KALRN: variants seen among roughly 807,000 people sequenced by gnomAD.
KALRN encodes the protein kalirin.
In KALRN, 70 loss-of-function variants were observed where a neutral mutation model predicts 353.7. The observed-to-expected ratio is 0.20, with a 90% CI of 0.16 to 0.24. The LOEUF is 0.24. Ranked by LOEUF, KALRN falls within the 10% of genes least tolerant of loss-of-function variation. The probability of loss-of-function intolerance (pLI) is 1.00; values close to 1 mark genes in which losing one functional copy is unlikely to be tolerated. For synonymous variants in KALRN, 1,391 were observed against 1,434.8 expected (o/e 0.97, Z 0.69); for missense variants, 2,791 against 3,756.7 (o/e 0.74, Z 6.72).
At chr3:124,179,070 G>A (rs1006244288) in intron 1 of KALRN, among the ~76,000 whole-genome samples, 3 of 151,982 alleles carry the variant, frequency 2.0e-5, no homozygotes, top group Non-Finnish European at 4.4e-5. Flanking sequence ...TCACACTATG[G>A]CATTCCAGCC....
intron 34 of KALRN, among the ~76,000 whole-genome samples, chr3:124,585,487 T>C (rs920770135): frequency 3.9e-5 from 6 of 152,130 alleles, no homozygotes; most frequent in Non-Finnish European, 8.8e-5. Context: ...AATTAACAAC[T>C]CTCTCTGTGC....
chr3:124,703,835 T>G (rs1051333119), intron 57 of KALRN, among the ~76,000 whole-genome samples: 1 of 151,146 alleles, frequency 6.6e-6, no homozygotes, highest in African/African-American at 2.4e-5. Flanking sequence ...TAAAAGAATC[T>G]TTTGTTGTTG....
At chr3:124,624,291 C>T (rs1292354023) in intron 34 of KALRN, among the ~76,000 whole-genome samples, 2 of 152,134 alleles carry the variant, frequency 1.3e-5, no homozygotes, top group Non-Finnish European at 2.9e-5. Flanking sequence ...ATGATGGCTC[C>T]CAAAGCGCAA....
chr3:124,178,357 A>T (rs952164454), intron 1 of KALRN, among the ~76,000 whole-genome samples: 1 of 152,254 alleles, frequency 6.6e-6, no homozygotes, highest in Non-Finnish European at 1.5e-5. Context: ...AAATACAACA[A>T]TTATAAGAAT....
intron 1 of KALRN, among the ~76,000 whole-genome samples, chr3:124,089,608 A>G (rs1217310336): frequency 6.6e-6 from 1 of 151,704 alleles, no homozygotes; most frequent in African/African-American, 2.4e-5. Context: ...CTCATGGATC[A>G]GTTCTGAGAG....
At chr3:124,279,260 C>A (rs1000242227) in intron 5 of KALRN, among the ~76,000 whole-genome samples, 1 of 152,190 alleles carries the variant, frequency 6.6e-6, no homozygotes. Context: ...ACACTGATTT[C>A]TTTATCTGTA....
At chr3:124,262,602 G>C (rs1022445332) in intron 3 of KALRN, among the ~76,000 whole-genome samples, 1 of 152,324 alleles carries the variant, frequency 6.6e-6, no homozygotes, top group African/African-American at 2.4e-5. Flanking sequence ...ATGCTGGAGA[G>C]AGTCGCCTCT....
At chr3:124,545,482 G>T (rs1031997104) in intron 33 of KALRN, among the ~76,000 whole-genome samples, 4 of 151,992 alleles carry the variant, frequency 2.6e-5, no homozygotes, top group Admixed American at 1.3e-4. Flanking sequence ...TTTTTTTCAA[G>T]AATCCATTTC....
At position 124,082,710 on chromosome 3, in the gene KALRN, A is replaced by T. The variant is rs536995102; in HGVS notation, c.73+48897A>T. On this transcript the variant is annotated intron_variant, in intron 1 of 59. Transcript: ENST00000682506. ...CAATGACTTCGGTTCAGAGGAGTTT[A>T]CAGTGTGGTAAAAATAGTATGCAGA... is the stretch of plus-strand genomic sequence containing the variant. Among the ~76,000 whole-genome samples, 3 of 152,380 alleles carry T rather than the reference A, an allele frequency of 2.0e-5. No individual in the cohort carries two copies. In the East Asian group the frequency reaches 5.8e-4, roughly 29 times the overall value.
chr3:124,343,334 A>AT (rs1047048774), intron 9 of KALRN, among the ~76,000 whole-genome samples: 34 of 151,806 alleles, frequency 2.2e-4, no homozygotes, highest in East Asian at 1.9e-3. Flanking sequence ...TTTTTTTTGT[A>AT]TTTTTTGTAG....
chr3:124,229,354 C>T (rs1399096298), intron 2 of KALRN, among the ~76,000 whole-genome samples: 5 of 152,228 alleles, frequency 3.3e-5, no homozygotes, highest in African/African-American at 1.2e-4. Context: ...CCACTCTAGG[C>T]CTCCGGGATC....
chr3:124,454,203 A>G (rs951760658), intron 21 of KALRN, among the ~76,000 whole-genome samples: 1 of 152,206 alleles, frequency 6.6e-6, no homozygotes, highest in Non-Finnish European at 1.5e-5. Flanking sequence ...TGCTCATTGT[A>G]TTTATTTAGA....
chr3:124,106,479 A>G (rs563275920), intron 1 of KALRN, among the ~76,000 whole-genome samples: 149 of 152,274 alleles, frequency 9.8e-4, no homozygotes, highest in Admixed American at 3.9e-3. Flanking sequence ...AAAGTATAGC[A>G]GCAAGGGAGA....
In KALRN at chr3:124,723,699, T is replaced by C. The variant is rs777301701; in HGVS notation, c.*4229T>C. The C allele has an allele frequency of 4.6e-5, 7 of 152,236 alleles. No individual in the cohort carries two copies. The highest frequency in any genetic ancestry group is 1.0e-4 in the Non-Finnish European group (7 of 68,034). The allele number at this position is 152,236 out of a possible 1,614,324, so 9.4% of individuals were successfully genotyped here. A position where few individuals can be genotyped will look rare whatever the true frequency, so the allele number is the denominator to read the frequency against. On this transcript the variant is annotated 3_prime_UTR_variant, in exon 60 of 60. Coordinates refer to ENST00000682506, the MANE Select transcript of KALRN (RefSeq NM_001388419.1). ...ATAATTTCGATCATTTAAGAGCTTGTCTACCGAAAAGGGTTAGGAGAGCTG... is the reference window on the plus strand; with the variant it reads ...ATAATTTCGATCATTTAAGAGCTTGCCTACCGAAAAGGGTTAGGAGAGCTG...
intron 5 of KALRN, among the ~76,000 whole-genome samples, chr3:124,287,809 ATATATATATATATATATG>A (rs1366395766): frequency 1.0e-3 from 21 of 20,096 alleles, no homozygotes; most frequent in Admixed American, 2.0e-3. Context: ...ATATATATAT[ATATATATATATATATATG>A]TATATAATTT....
intron 34 of KALRN, among the ~76,000 whole-genome samples, chr3:124,571,931 G>C (rs983384201): frequency 1.3e-5 from 2 of 151,788 alleles, no homozygotes; most frequent in African/African-American, 2.4e-5. Flanking sequence ...CCCAGCCAAA[G>C]TATCCTATTT....
chr3:124,589,812 G>A (rs561431302), intron 34 of KALRN, among the ~76,000 whole-genome samples: 18 of 152,092 alleles, frequency 1.2e-4, no homozygotes, highest in African/African-American at 3.4e-4. Flanking sequence ...TCCCATAGTC[G>A]GCCTTATTGA....
At chr3:124,373,265 A>G (rs935214085) in intron 10 of KALRN, among the ~76,000 whole-genome samples, 2 of 152,088 alleles carry the variant, frequency 1.3e-5, no homozygotes, top group African/African-American at 4.8e-5. Flanking sequence ...TCTCAACTGG[A>G]AGGCAATTTT....
At chr3:124,278,385 T>C (rs1187926751) in intron 5 of KALRN, among the ~76,000 whole-genome samples, 2 of 151,718 alleles carry the variant, frequency 1.3e-5, no homozygotes, top group African/African-American at 2.4e-5. Flanking sequence ...AAAGGAGACA[T>C]GTCAGCTCTG....
Sources: allele counts gnomAD v4.1 joint callset (sites outside exome capture counted in the v4.1 genomes callset), GRCh38; gene constraint gnomAD v4.1.1; transcripts MANE v1.5; gene names NCBI Gene and HGNC (gene_info 2026-07-23, HGNC 2026-07-21).